The following STAG1 variants were observed in gnomAD, a reference collection of about 807,000 sequenced individuals.
STAG1 encodes cohesin subunit SA-1.
STAG1 carries 26 observed loss-of-function variants against 170.9 expected under a neutral mutation model. The observed-to-expected ratio is 0.15, with a 90% CI of 0.11 to 0.21. The LOEUF is 0.21. Among genes scored for constraint, STAG1 ranks in the 10% least tolerant of loss-of-function variants. The probability of loss-of-function intolerance (pLI) is 1.00; values close to 1 mark genes in which losing one functional copy is unlikely to be tolerated. For missense variants in STAG1, 964 were observed against 1,509.5 expected (o/e 0.64, Z 5.99); for synonymous variants, 514 against 497.7 (o/e 1.03, Z -0.44).
chr3:136,506,645 CAAA>C, intron 7 of STAG1, among the ~76,000 whole-genome samples: 1 of 46,518 alleles, frequency 2.1e-5, no homozygotes, highest in Admixed American at 2.2e-4. Flanking sequence ...GACTCCACCT[CAAA>C]AAAAAAAAAA....
chr3:136,407,541 A>G (rs1354727003), intron 21 of STAG1, among the ~76,000 whole-genome samples: 2 of 151,920 alleles, frequency 1.3e-5, no homozygotes, highest in Non-Finnish European at 2.9e-5. Flanking sequence ...GGCTCACTGC[A>G]ACCTCTGCCT....
At chr3:136,563,700 T>C (rs1936936658) in intron 5 of STAG1, among the ~76,000 whole-genome samples, 1 of 151,066 alleles carries the variant, frequency 6.6e-6, no homozygotes, top group Non-Finnish European at 1.5e-5. Flanking sequence ...GATATTATTC[T>C]GCAATTTGTA....
chr3:136,505,343 T>C (rs946037453), intron 7 of STAG1, among the ~76,000 whole-genome samples: 13 of 152,202 alleles, frequency 8.5e-5, no homozygotes, highest in Admixed American at 6.5e-5. Context: ...TCTAGTACAG[T>C]GGTACTGATA....
chr3:136,459,307 G>C (rs976181619), intron 13 of STAG1, among the ~76,000 whole-genome samples: 15 of 151,302 alleles, frequency 9.9e-5, no homozygotes, highest in Non-Finnish European at 7.4e-5. Context: ...TATGACAAGA[G>C]GATATAACAA....
chr3:136,558,194 C>T (rs1936700008), intron 5 of STAG1, among the ~76,000 whole-genome samples: 1 of 152,042 alleles, frequency 6.6e-6, no homozygotes, highest in African/African-American at 2.4e-5. Context: ...GAGTTTGAGA[C>T]CGGCCTGGCC....
At chr3:136,467,682 C>A (rs935563691) in intron 12 of STAG1, among the ~76,000 whole-genome samples, 2 of 152,262 alleles carry the variant, frequency 1.3e-5, no homozygotes, top group Non-Finnish European at 2.9e-5. Flanking sequence ...ACAGAACTCT[C>A]CACCCCAAAT....
At chr3:136,716,201 A>C (rs1238109378) in intron 1 of STAG1, among the ~76,000 whole-genome samples, 2 of 152,060 alleles carry the variant, frequency 1.3e-5, no homozygotes, top group Non-Finnish European at 2.9e-5. Context: ...TCACACCTGT[A>C]ATCCCACCAC....
chr3:136,553,751 C>G (rs1189126900), intron 5 of STAG1, among the ~76,000 whole-genome samples: 2 of 152,154 alleles, frequency 1.3e-5, no homozygotes, highest in Non-Finnish European at 2.9e-5. Context: ...TCCAGCCTGG[C>G]AAGAGAGCGA....
chr3:136,626,949 G>A (rs915019831), intron 2 of STAG1, among the ~76,000 whole-genome samples: 2 of 152,098 alleles, frequency 1.3e-5, no homozygotes, highest in Non-Finnish European at 2.9e-5. Flanking sequence ...ACTATGTTTC[G>A]TATTTATCTT....
intron 13 of STAG1, among the ~76,000 whole-genome samples, chr3:136,457,570 C>T (rs1283140530): frequency 6.6e-6 from 1 of 152,122 alleles, no homozygotes; most frequent in Admixed American, 6.5e-5. Context: ...CCACTTTATG[C>T]ACTCATTCTT....
chr3:136,358,510 T>C (rs1253993731), intron 27 of STAG1, among the ~76,000 whole-genome samples: 2 of 152,240 alleles, frequency 1.3e-5, no homozygotes, highest in African/African-American at 2.4e-5. Flanking sequence ...AAAGATTTTC[T>C]GTTACTTCTG....
At chr3:136,459,965 A>AAAC (rs757735375) in intron 13 of STAG1, among the ~76,000 whole-genome samples, 14 of 152,194 alleles carry the variant, frequency 9.2e-5, no homozygotes, top group African/African-American at 2.2e-4. Flanking sequence ...ACCCACACAA[A>AAAC]AACAACAACA....
chr3:136,442,928 G>C (rs895039653), intron 15 of STAG1, among the ~76,000 whole-genome samples: 4 of 152,148 alleles, frequency 2.6e-5, no homozygotes, highest in East Asian at 1.9e-4. Flanking sequence ...AGGATCCCTT[G>C]AGCCCAGTAG....
At chr3:136,641,756 A>AT (rs1467345577) in intron 1 of STAG1, among the ~76,000 whole-genome samples, 1 of 152,242 alleles carries the variant, frequency 6.6e-6, no homozygotes, top group East Asian at 1.9e-4. Context: ...TGACATTTGA[A>AT]TAAGTTCTAC....
intron 1 of STAG1, among the ~76,000 whole-genome samples, chr3:136,656,299 A>G (rs897673211): frequency 6.6e-6 from 1 of 152,178 alleles, no homozygotes; most frequent in African/African-American, 2.4e-5. Context: ...TTTTTATTTA[A>G]CGGGTATAGA....
At chr3:136,469,889 A>T (rs1018998993) in intron 12 of STAG1, among the ~76,000 whole-genome samples, 1 of 152,228 alleles carries the variant, frequency 6.6e-6, no homozygotes, top group Admixed American at 6.5e-5. Flanking sequence ...TGGGGAAAGG[A>T]TTCCCTATTT....
chr3:136,623,963 C>A (rs1405187440), intron 2 of STAG1, among the ~76,000 whole-genome samples: 3 of 151,658 alleles, frequency 2.0e-5, no homozygotes, highest in Non-Finnish European at 4.4e-5. Context: ...ACAAAATAAA[C>A]CAACAAAAAA....
At chr3:136,501,951 G>A (rs1460845770) in intron 8 of STAG1, among the ~76,000 whole-genome samples, 1 of 152,130 alleles carries the variant, frequency 6.6e-6, no homozygotes, top group Non-Finnish European at 1.5e-5. Flanking sequence ...GGAGGCCGAG[G>A]TGGGCGGATC....
At chr3:136,465,091 T>C (rs977912843) in intron 12 of STAG1, 103 bp from the exon 13 acceptor site, 1 of 708,844 alleles carries the variant, frequency 1.4e-6, no homozygotes, top group African/African-American at 1.8e-5. Context: ...CAAGACTTAA[T>C]AATTGTTGTC....
Sources: allele counts gnomAD v4.1 joint callset (sites outside exome capture counted in the v4.1 genomes callset), GRCh38; gene constraint gnomAD v4.1.1; transcripts MANE v1.5; gene names NCBI Gene and HGNC (gene_info 2026-07-23, HGNC 2026-07-21).